The following DLGAP4 variants were observed in gnomAD, a reference collection of about 807,000 sequenced individuals.
The protein encoded by DLGAP4 is disks large-associated protein 4.
Under a neutral mutation model 86.9 loss-of-function variants are expected in DLGAP4, and 18 were observed. The observed-to-expected ratio is 0.21, with a 90% CI of 0.14 to 0.31. The LOEUF is 0.31. DLGAP4 is among the 10% of genes least tolerant of loss of function. DLGAP4 has a pLI of 1.00. For synonymous variants in DLGAP4, 548 were observed against 574.3 expected, an observed-to-expected ratio of 0.95 and a Z score of 0.65; for missense variants, 1,085 against 1,362.6, an observed-to-expected ratio of 0.80 and a Z score of 3.21.
chr20:36,396,405 C>CATG (rs1569484632), intron 2 of DLGAP4, among the ~76,000 whole-genome samples: 1 of 50,232 alleles, frequency 2.0e-5, no homozygotes. Flanking sequence ...CATACACACA[C>CATG]CACATACACA....
intron 12 of DLGAP4, among the ~76,000 whole-genome samples, 168 bp from the exon 13 acceptor site, chr20:36,526,645 G>C (rs2037785931): frequency 6.6e-6 from 1 of 152,088 alleles, no homozygotes; most frequent in Admixed American, 6.6e-5. Context: ...TCTTCCCACT[G>C]TCAGTCATCG....
chr20:36,495,949 T>C (rs2035867944), intron 7 of DLGAP4, among the ~76,000 whole-genome samples: 1 of 152,196 alleles, frequency 6.6e-6, no homozygotes, highest in South Asian at 2.1e-4. Flanking sequence ...CTCGGCTCAC[T>C]GCAACCTCCA....
rs139874744 is a variant in DLGAP4 at position 36,351,970 on chromosome 20, C to A, written c.-303-15075C>A. Reference sequence around the variant, plus strand: ...GTGCTAAGAGGCAAAACGACCAGGACAAAGTGCGAGGAAGCCCAGGCAGGT... The same window carrying A: ...GTGCTAAGAGGCAAAACGACCAGGAAAAAGTGCGAGGAAGCCCAGGCAGGT... On this transcript the variant is annotated intron_variant, in intron 1 of 12. Transcript: ENST00000339266. Among the ~76,000 whole-genome samples, 585 of 152,198 alleles carry A rather than the reference C, an allele frequency of 3.8e-3. 3 individuals are homozygous for A. Among genetic ancestry groups the A allele is most frequent in the African/African-American group, 0.013 (555 of 41,520 alleles).
intron 7 of DLGAP4, among the ~76,000 whole-genome samples, chr20:36,450,705 A>T (rs2033715034): frequency 6.6e-6 from 1 of 152,198 alleles, no homozygotes. Context: ...TTTTTTAAAG[A>T]AACTACTTAT....
intron 2 of DLGAP4, among the ~76,000 whole-genome samples, chr20:36,404,975 G>T (rs1390899946): frequency 6.6e-6 from 1 of 152,208 alleles, no homozygotes; most frequent in African/African-American, 2.4e-5. Context: ...TCTGGAGGAG[G>T]CGGTGTGCGC....
At chr20:36,481,815 T>C (rs2147708697) in intron 7 of DLGAP4, among the ~76,000 whole-genome samples, 1 of 152,232 alleles carries the variant, frequency 6.6e-6, no homozygotes, top group South Asian at 2.1e-4. Flanking sequence ...TTATCCAGAG[T>C]TCAGTGGGGA....
At position 36,436,267 on chromosome 20, in the gene DLGAP4, G is replaced by A. The variant is rs201583376; in HGVS notation, c.1158G>A (p.Lys386=). Reference sequence around the variant, plus strand: ...GCGACGAGTCCGGCGGCAGCCCCAAGCCCTCACCCAAGACCGCGGCGCGGC... The same window carrying A: ...GCGACGAGTCCGGCGGCAGCCCCAAACCCTCACCCAAGACCGCGGCGCGGC... ...EDSDESGGSP[K]PSPKTAARRQ... The change falls in exon 4 of 13, where the codon AAG becomes AAA. Residue 386 remains lysine (K), a synonymous_variant. Transcript: ENST00000339266. 6 of 1,605,854 alleles carry A rather than the reference G, an allele frequency of 3.7e-6. No homozygotes were observed. The East Asian group carries it at 1.3e-4, about 36-fold the overall frequency.
At chr20:36,439,195 G>T (rs1399301803) in intron 4 of DLGAP4, among the ~76,000 whole-genome samples, 1 of 152,202 alleles carries the variant, frequency 6.6e-6, no homozygotes, top group African/African-American at 2.4e-5. Context: ...TGCAGCCCCA[G>T]CAGGCAGGTA....
chr20:36,362,771 T>C (rs1555894307), intron 1 of DLGAP4, among the ~76,000 whole-genome samples: 1 of 152,158 alleles, frequency 6.6e-6, no homozygotes, highest in Non-Finnish European at 1.5e-5. Context: ...TGTTGTATAA[T>C]GATATGGGCT....
chr20:36,467,537 G>A lies in DLGAP4; in HGVS notation c.1648+20600G>A, dbSNP rs1165416994. On this transcript the variant is annotated intron_variant, in intron 7 of 12. Coordinates refer to ENST00000339266, the MANE Select transcript of DLGAP4 (RefSeq NM_001365621.2). ...TTTTAGAGCAGAGGTAGCACAACTG[G>A]AAGACTTTCCAGAGGATGAATCAGG... 2.0e-5 allele frequency among the ~76,000 whole-genome samples: 3 copies of A among 152,330 alleles called. No homozygotes were observed. In the South Asian group the frequency reaches 6.2e-4, roughly 32 times the overall value.
intron 7 of DLGAP4, among the ~76,000 whole-genome samples, chr20:36,472,010 A>G (rs764457348): frequency 2.3e-4 from 35 of 152,110 alleles, no homozygotes; most frequent in Non-Finnish European, 4.4e-4. Context: ...TAGATCCGAG[A>G]GAGGTGGTCA....
Position 36,439,825 on chromosome 20 carries a change from C to T in DLGAP4, c.1313C>T (p.Thr438Ile). 4 of 1,613,756 alleles carry T rather than the reference C, an allele frequency of 2.5e-6. No individual in the cohort carries two copies. Among genetic ancestry groups the T allele is most frequent in the Non-Finnish European group, 3.4e-6 (4 of 1,179,996 alleles). ...SKCPSWEEDY[T>I]PVSDSLNDSS... ...TGTCCGAGCTGGGAAGAGGACTACA[C>T]CCCCGTCAGCGACAGCCTCAACGAC... is the stretch of plus-strand genomic sequence containing the variant. The change falls in exon 5 of 13, where the codon ACC becomes ATC. Residue 438 changes from threonine (T) to isoleucine (I), a missense_variant. Coordinates refer to ENST00000339266, the MANE Select transcript of DLGAP4 (RefSeq NM_001365621.2).
chr20:36,466,689 C>T (rs1358834071), intron 7 of DLGAP4, among the ~76,000 whole-genome samples: 2 of 152,226 alleles, frequency 1.3e-5, no homozygotes, highest in African/African-American at 2.4e-5. Context: ...AAGCCACATT[C>T]TAGAGCTAAA....
At chr20:36,392,125 C>T (rs1472473651) in intron 2 of DLGAP4, among the ~76,000 whole-genome samples, 1 of 152,100 alleles carries the variant, frequency 6.6e-6, no homozygotes, top group African/African-American at 2.4e-5. Flanking sequence ...GATGGAAAGC[C>T]AGTGAGCTGG....
intron 2 of DLGAP4, among the ~76,000 whole-genome samples, chr20:36,406,595 T>C (rs959558845): frequency 7.9e-5 from 12 of 151,780 alleles, no homozygotes; most frequent in African/African-American, 2.9e-4. Context: ...GGCTGGCCGG[T>C]CAGTTGTTGA....
At chr20:36,499,172 TTG>T (rs569416459) in intron 8 of DLGAP4, 7,262 of 1,195,028 alleles carry the variant, frequency 6.1e-3, no homozygotes, top group Non-Finnish European at 6.9e-3. Flanking sequence ...GGCTGTGGCT[TTG>T]TGTGTGTGTG....
chr20:36,416,455 A>G (rs1202570710), intron 2 of DLGAP4, among the ~76,000 whole-genome samples: 1 of 152,204 alleles, frequency 6.6e-6, no homozygotes, highest in Non-Finnish European at 1.5e-5. Flanking sequence ...AAACAGCACT[A>G]ACCATCGGGG....
chr20:36,460,747 G>T (rs1334164652), intron 7 of DLGAP4, among the ~76,000 whole-genome samples: 1 of 152,236 alleles, frequency 6.6e-6, no homozygotes, highest in Non-Finnish European at 1.5e-5. Context: ...AGGCGTGAAG[G>T]CACCACCTAC....
At chr20:36,417,110 T>C (rs1264365103) in intron 2 of DLGAP4, among the ~76,000 whole-genome samples, 1 of 151,998 alleles carries the variant, frequency 6.6e-6, no homozygotes, top group African/African-American at 2.4e-5. Flanking sequence ...TGGAAAACAA[T>C]CAGGAGGGGT....
Sources: gnomAD v4.1 joint callset for allele counts (sites outside exome capture counted in the v4.1 genomes callset) on GRCh38, gnomAD v4.1.1 for gene constraint, MANE v1.5 for transcripts, NCBI Gene and HGNC (gene_info 2026-07-23, HGNC 2026-07-21) for gene names.